Variants in FBXL14 observed in about 807,000 individuals in gnomAD.
FBXL14 encodes the protein F-box/LRR-repeat protein 14.
FBXL14 carries 11 observed loss-of-function variants against 24.5 expected under a neutral mutation model. That is an observed-to-expected ratio of 0.45 (90% CI 0.28 to 0.74). FBXL14 has a LOEUF of 0.74. FBXL14 is among the 30% of genes least tolerant of loss of function. FBXL14 has a pLI of 0.12. For missense variants in FBXL14, 384 were observed against 545.6 expected (o/e 0.70, Z 2.95); for synonymous variants, 294 against 240.4 (o/e 1.22, Z -2.06).
chr12:1,566,902 C>CT (rs2094437315), intron 1 of FBXL14, 92 bp from the exon 2 acceptor site: 2 of 713,044 alleles, frequency 2.8e-6, no homozygotes, highest in African/African-American at 3.5e-5. Context: ...CCCACCGCGG[C>CT]TTTATCAGCG....
intron 1 of FBXL14, among the ~76,000 whole-genome samples, chr12:1,591,768 G>A (rs3741975): frequency 0.042 from 6,431 of 152,220 alleles, 230 homozygotes; most frequent in African/African-American, 0.1. Flanking sequence ...GGCCAGCTCT[G>A]CTCCTGTTTC....
rs746087969 is a variant in FBXL14 at position 1,567,843 on chromosome 12, C to T, written c.1195-1033G>A. Among the ~76,000 whole-genome samples, 69 of 152,370 alleles carry T rather than the reference C, an allele frequency of 4.5e-4. No individual in the cohort carries two copies. The highest frequency in any genetic ancestry group is 8.1e-4 in the Non-Finnish European group (55 of 68,044). On this transcript the variant is annotated intron_variant, in intron 1 of 1. Transcript: ENST00000339235. The surrounding 1 kb of genome is among the most constrained non-coding windows in gnomAD (Gnocchi z 4.8). Reference sequence around the variant, plus strand: ...AGCATAAGGTTATCTCAATAGAAACCTCCACATGTGAAAAGGGAAAAGAAA... The same window carrying T: ...AGCATAAGGTTATCTCAATAGAAACTTCCACATGTGAAAAGGGAAAAGAAA...
At chr12:1,582,489 G>A (rs557646498) in intron 1 of FBXL14, among the ~76,000 whole-genome samples, 259 of 152,220 alleles carry the variant, frequency 1.7e-3, no homozygotes, top group African/African-American at 6.1e-3. Flanking sequence ...TGTATTCTCT[G>A]TTTGGGGTGC....
chr12:1,589,273 C>T (rs1350373094), intron 1 of FBXL14, among the ~76,000 whole-genome samples: 3 of 150,150 alleles, frequency 2.0e-5, no homozygotes, highest in Non-Finnish European at 3.0e-5. Flanking sequence ...GTGGTGTGCG[C>T]CTGTAGTCTC....
At chr12:1,575,406 A>G (rs2094453935) in intron 1 of FBXL14, among the ~76,000 whole-genome samples, 1 of 152,172 alleles carries the variant, frequency 6.6e-6, no homozygotes, top group South Asian at 2.1e-4. Context: ...GGTTTTGAAT[A>G]TTCCGTATTC....
intron 1 of FBXL14, among the ~76,000 whole-genome samples, chr12:1,581,823 T>A (rs2094466957): frequency 6.6e-6 from 1 of 152,208 alleles, no homozygotes; most frequent in Non-Finnish European, 1.5e-5. Context: ...AGGGCCTACC[T>A]TCTTGAAAAT....
chr12:1,580,533 G>T (rs534947738), intron 1 of FBXL14, among the ~76,000 whole-genome samples: 11 of 149,294 alleles, frequency 7.4e-5, no homozygotes, highest in South Asian at 2.1e-4. Context: ...AAAACATAGT[G>T]GGGGGGGAGG....
chr12:1,571,407 C>T (rs1170448445), intron 1 of FBXL14, among the ~76,000 whole-genome samples: 1 of 152,088 alleles, frequency 6.6e-6, no homozygotes, highest in African/African-American at 2.4e-5. Context: ...GGGGTTTCTC[C>T]ATGTTGGTCA....
At chr12:1,586,651 AATCTTTTCCACTTTGTTAAGC>A (rs2094477224) in intron 1 of FBXL14, among the ~76,000 whole-genome samples, 1 of 152,190 alleles carries the variant, frequency 6.6e-6, no homozygotes, top group Non-Finnish European at 1.5e-5. Context: ...ACCTAGGCAA[AATCTTTTCCACTTTGTTAAGC>A]ATCTTTTCCC....
intron 1 of FBXL14, among the ~76,000 whole-genome samples, chr12:1,589,436 C>CA (rs71055169): frequency 0.05 from 1,701 of 34,066 alleles, 191 homozygotes; most frequent in Middle Eastern, 0.17. Context: ...GACCTTGTCT[C>CA]AAAAAAAAAA....
intron 1 of FBXL14, among the ~76,000 whole-genome samples, chr12:1,575,487 G>A (rs1367120072): frequency 6.6e-6 from 1 of 152,112 alleles, no homozygotes; most frequent in Non-Finnish European, 1.5e-5. Flanking sequence ...ACACTGTGCC[G>A]TTCGGGATCC....
intron 1 of FBXL14, among the ~76,000 whole-genome samples, chr12:1,582,337 G>A (rs1260228896): frequency 1.3e-5 from 2 of 152,108 alleles, no homozygotes; most frequent in African/African-American, 2.4e-5. Context: ...TTCTTCCGAG[G>A]AGCAGCTTTA....
In FBXL14 at chr12:1,567,217, C is replaced by T. The variant is rs750102115; in HGVS notation, c.1195-407G>A. 1.5e-4 allele frequency among the ~76,000 whole-genome samples: 23 copies of T among 152,062 alleles called. No homozygotes were observed. The highest frequency in any genetic ancestry group is 3.9e-4 in the Admixed American group (6 of 15,274). On this transcript the variant is annotated intron_variant, in intron 1 of 1. Transcript: ENST00000339235. This position sits in a 1 kb window ranked among gnomAD's most constrained non-coding sequence, Gnocchi z 4.8. Reference sequence around the variant, plus strand: ...GTGGCTGACGCCTGTAATCCCAGCACTTTGGGAGGTCGAAGCGGGCGGATC... The same window carrying T: ...GTGGCTGACGCCTGTAATCCCAGCATTTTGGGAGGTCGAAGCGGGCGGATC...
Position 1,594,161 on chromosome 12 carries a change from C to T in FBXL14, c.-95G>A. 1 of 859,502 alleles carries T rather than the reference C, an allele frequency of 1.2e-6. No homozygotes were observed. The highest frequency in any genetic ancestry group is 4.8e-5 in the Admixed American group (1 of 20,622). 53.2% of individuals were successfully genotyped at this position (859,502 alleles called of 1,614,324 possible). On this transcript the variant is annotated 5_prime_UTR_variant, in exon 1 of 2. Transcript: ENST00000339235. ...CGACGAGAGCGCTTCTCCCCAGCCG[C>T]CGCCGCCGCCGCCGCCGCCGCCTCG...
chr12:1,587,667 A>G (rs1179710384), intron 1 of FBXL14: 1 of 152,216 alleles, frequency 6.6e-6, no homozygotes, highest in Non-Finnish European at 1.5e-5. Context: ...ATACTTCATT[A>G]AGTAAATTAT....
At chr12:1,572,132 GAAAA>G (rs1384147921) in intron 1 of FBXL14, among the ~76,000 whole-genome samples, 1 of 151,254 alleles carries the variant, frequency 6.6e-6, no homozygotes, top group Admixed American at 6.6e-5. Context: ...TGGGGGCAGT[GAAAA>G]AAAAAGTAGG....
chr12:1,566,800 C>T lies in FBXL14; in HGVS notation c.1205G>A (p.Gly402Glu), dbSNP rs1053300317. ...QMTDSEKEAR[G>E]DFSPLFTVRT... ...CACAGTGAATAATGGAGAAAAATCC[C>T]CTCGTGCCTCCTGCAGTGGGAAGAA... The change falls in exon 2 of 2, where the codon GGG becomes GAG. Residue 402 changes from glycine (G) to glutamate (E), a missense_variant. Transcript: ENST00000339235. 2 of 780,980 alleles carry T rather than the reference C, an allele frequency of 2.6e-6. No homozygotes were observed. The highest frequency in any genetic ancestry group is 4.8e-6 in the Non-Finnish European group (2 of 418,098). 48.4% of individuals were successfully genotyped at this position (780,980 alleles called of 1,614,324 possible).
rs369299777 is a variant in FBXL14, at chr12:1,592,914, C to T, written c.1153G>A (p.Val385Ile). The change falls in exon 1 of 2, where the codon GTA (valine) becomes ATA (isoleucine). Residue 385 changes from valine to isoleucine, a missense_variant. Transcript: ENST00000339235. ...ATCTGCCAGAGTCCCAGGTTGAGTA[C>T]CTTGAGGCACGGCAGCTGCGTGATG... ...ERITQLPCLK[V>I]LNLGLWQMTD... 3.1e-5 allele frequency: 50 copies of T among 1,603,848 alleles called. No homozygotes were observed. Among genetic ancestry groups the T allele is most frequent in the African/African-American group, 1.3e-5 (1 of 74,792 alleles).
rs527659406 is a variant in FBXL14, at chr12:1,567,595, T to C, written c.1195-785A>G. 2.6e-4 allele frequency among the ~76,000 whole-genome samples: 39 copies of C among 152,286 alleles called. No homozygotes were observed. The highest frequency in any genetic ancestry group is 1.0e-3 in the South Asian group (5 of 4,820). On this transcript the variant is annotated intron_variant, in intron 1 of 1. Coordinates refer to ENST00000339235, the MANE Select transcript of FBXL14 (RefSeq NM_152441.3). The surrounding 1 kb of genome is among the most constrained non-coding windows in gnomAD (Gnocchi z 4.8). The stretch of plus-strand genomic sequence containing the variant: ...TCAGAGACAGCAGGGATGCTGGAAT[T>C]ACCAGGCGGGAAATTGAAAGCAGCT...
Sources: allele counts gnomAD v4.1 joint callset (sites outside exome capture counted in the v4.1 genomes callset), GRCh38; gene constraint gnomAD v4.1.1; non-coding constraint Gnocchi (gnomAD v3.1); transcripts MANE v1.5; gene names NCBI Gene and HGNC (gene_info 2026-07-23, HGNC 2026-07-21).